TSPAN9: variants seen among roughly 807,000 people sequenced by gnomAD.
TSPAN9 encodes the protein tetraspanin 9.
A neutral mutation model predicts 31.0 loss-of-function variants in TSPAN9; 16 were observed. The ratio of observed to expected loss-of-function variants is 0.52; its 90% CI spans 0.35 to 0.78. The LOEUF is 0.78. Ranked by LOEUF, TSPAN9 falls within the 30% of genes least tolerant of loss-of-function variation. The pLI is 0.01. For missense variants in TSPAN9, 272 were observed against 312.5 expected (o/e 0.87, Z 0.98); for synonymous variants, 145 against 121.6 (o/e 1.19, Z -1.27).
intron 3 of TSPAN9, among the ~76,000 whole-genome samples, chr12:3,242,115 G>A (rs1157876679): frequency 3.3e-5 from 5 of 152,214 alleles, no homozygotes; most frequent in Admixed American, 6.5e-5. Flanking sequence ...TCCCGGTTAG[G>A]GCTTCCTTGG....
At chr12:3,146,754 C>T (rs112553983) in intron 2 of TSPAN9, among the ~76,000 whole-genome samples, 1 of 152,110 alleles carries the variant, frequency 6.6e-6, no homozygotes, top group Admixed American at 6.6e-5. Context: ...TCTGTGCTCT[C>T]TAGGCCAGCA....
chr12:3,185,079 T>C (rs141268159), intron 2 of TSPAN9, among the ~76,000 whole-genome samples: 2 of 152,312 alleles, frequency 1.3e-5, no homozygotes, highest in East Asian at 3.9e-4. Context: ...TAGTGAAGAC[T>C]GTGTTCTCCC....
At chr12:3,120,623 G>A (rs895401629) in intron 2 of TSPAN9, among the ~76,000 whole-genome samples, 6 of 152,162 alleles carry the variant, frequency 3.9e-5, no homozygotes, top group African/African-American at 7.2e-5. Context: ...TATGCCCAGC[G>A]TTTCCTTTCC....
chr12:3,204,072 C>T (rs1453687173), intron 3 of TSPAN9, among the ~76,000 whole-genome samples: 8 of 152,120 alleles, frequency 5.3e-5, no homozygotes, highest in African/African-American at 1.7e-4. Context: ...CAAGCCCAGC[C>T]CTCTGGGACC....
chr12:3,232,843 G>A (rs984219961), intron 3 of TSPAN9, among the ~76,000 whole-genome samples: 5 of 152,254 alleles, frequency 3.3e-5, no homozygotes, highest in African/African-American at 1.2e-4. Context: ...TCCAGAGGCT[G>A]CTCACTCCAT....
At chr12:3,079,007 TC>T (rs2098296488) in intron 1 of TSPAN9, among the ~76,000 whole-genome samples, 2 of 149,072 alleles carry the variant, frequency 1.3e-5, no homozygotes, top group African/African-American at 2.5e-5. Context: ...TGAGACAGAG[TC>T]TCACTCTGTT....
intron 2 of TSPAN9, among the ~76,000 whole-genome samples, chr12:3,125,710 T>A (rs908641895): frequency 6.6e-6 from 1 of 152,052 alleles, no homozygotes; most frequent in African/African-American, 2.4e-5. Context: ...GAAAGCCCAA[T>A]GTAAAATAGT....
At chr12:3,258,532 A>G (rs1591710032) in intron 3 of TSPAN9, among the ~76,000 whole-genome samples, 1 of 152,222 alleles carries the variant, frequency 6.6e-6, no homozygotes, top group Admixed American at 6.5e-5. Context: ...GGGAGCCTTG[A>G]CTAACCCTGT....
chr12:3,261,680 G>A (rs547089646), intron 3 of TSPAN9, among the ~76,000 whole-genome samples: 7 of 152,304 alleles, frequency 4.6e-5, no homozygotes, highest in South Asian at 2.1e-4. Flanking sequence ...GGCATTTTGC[G>A]ATTTGAGAAG....
chr12:3,201,313 T>C, intron 3 of TSPAN9, 57 bp downstream of exon 3: 1 of 1,492,148 alleles, frequency 6.7e-7, no homozygotes, highest in Non-Finnish European at 9.4e-7. Flanking sequence ...TGGCTTACCA[T>C]AGCGTGAATA....
At chr12:3,209,803 C>T (rs1565614798) in intron 3 of TSPAN9, among the ~76,000 whole-genome samples, 1 of 151,838 alleles carries the variant, frequency 6.6e-6, no homozygotes, top group Non-Finnish European at 1.5e-5. Context: ...ACTAAAAATA[C>T]AAAAAATTAG....
At chr12:3,165,879 C>T (rs2098348110) in intron 2 of TSPAN9, among the ~76,000 whole-genome samples, 1 of 152,176 alleles carries the variant, frequency 6.6e-6, no homozygotes, top group South Asian at 2.1e-4. Flanking sequence ...TGTGTCTCAG[C>T]CATGTTCGAG....
chr12:3,080,414 C>A (rs572252918), intron 1 of TSPAN9, among the ~76,000 whole-genome samples: 1 of 152,294 alleles, frequency 6.6e-6, no homozygotes, highest in South Asian at 2.1e-4. Context: ...CAGCTCACTG[C>A]AACCTCCGCC....
At chr12:3,136,438 C>T (rs1296283527) in intron 2 of TSPAN9, among the ~76,000 whole-genome samples, 1 of 152,166 alleles carries the variant, frequency 6.6e-6, no homozygotes. Flanking sequence ...CCCCCACAGC[C>T]CCTGTGTCAG....
Position 3,112,640 on chromosome 12 carries a change from A to G in TSPAN9, c.-18+28921A>G, listed in dbSNP as rs573201242. 7.1e-4 allele frequency among the ~76,000 whole-genome samples: 101 copies of G among 141,994 alleles called. 2 individuals carry two copies. The South Asian group carries it at 0.02, about 29-fold the overall frequency. The allele number at this position is 141,994 out of a possible 152,430, so 93.2% of individuals were successfully genotyped here. On this transcript the variant is annotated intron_variant, in intron 2 of 8. Transcript: ENST00000011898. Reference sequence around the variant, plus strand: ...TGATTTTGTTTCATTGATCTTTTACATATATATTTTTTATTCTCAATCTCA... The same window carrying G: ...TGATTTTGTTTCATTGATCTTTTACGTATATATTTTTTATTCTCAATCTCA...
intron 2 of TSPAN9, among the ~76,000 whole-genome samples, chr12:3,158,876 C>T (rs1023074469): frequency 5.9e-5 from 9 of 151,930 alleles, no homozygotes; most frequent in East Asian, 1.9e-4. Flanking sequence ...GCACAGTCTT[C>T]GCGGATTAGC....
intron 2 of TSPAN9, among the ~76,000 whole-genome samples, chr12:3,156,716 T>C (rs111612598): frequency 0.11 from 15,969 of 151,968 alleles, 923 homozygotes; most frequent in African/African-American, 0.16. Flanking sequence ...CCATGTTGGC[T>C]AGGCTGGTCA....
At chr12:3,231,621 G>A (rs995594928) in intron 3 of TSPAN9, among the ~76,000 whole-genome samples, 14 of 152,252 alleles carry the variant, frequency 9.2e-5, no homozygotes, top group African/African-American at 3.4e-4. Context: ...CGGGGTGGGT[G>A]GAAATTCACA....
chr12:3,165,111 A>G (rs2153969754), intron 2 of TSPAN9, among the ~76,000 whole-genome samples: 1 of 152,186 alleles, frequency 6.6e-6, no homozygotes, highest in East Asian at 1.9e-4. Flanking sequence ...TGTGATCTGT[A>G]TTTGGTCCAG....
Sources: gnomAD v4.1 joint callset for allele counts (sites outside exome capture counted in the v4.1 genomes callset) on GRCh38, gnomAD v4.1.1 for gene constraint, MANE v1.5 for transcripts, NCBI Gene and HGNC (gene_info 2026-07-23, HGNC 2026-07-21) for gene names.